PSPC1: variants seen among roughly 807,000 people sequenced by gnomAD.
The protein encoded by PSPC1 is paraspeckle component 1.
Under a neutral mutation model 51.6 loss-of-function variants are expected in PSPC1, and 14 were observed. The ratio of observed to expected loss-of-function variants is 0.27; its 90% CI spans 0.18 to 0.42. The LOEUF is 0.42. PSPC1 is among the 10% of genes least tolerant of loss of function. PSPC1 has a pLI of 1.00. For missense variants in PSPC1, 406 were observed against 701.1 expected (o/e 0.58, Z 4.75); for synonymous variants, 193 against 231.9 (o/e 0.83, Z 1.53).
chr13:19,748,160 A>G (rs995065124), intron 4 of PSPC1, among the ~76,000 whole-genome samples: 1 of 152,196 alleles, frequency 6.6e-6, no homozygotes, highest in Admixed American at 6.6e-5. Flanking sequence ...GTAGGTCTAC[A>G]ATGAGCTGAA....
Position 19,733,786 on chromosome 13 carries a change from A to AAAAT in PSPC1, c.1053-3443_1053-3442insATTT, listed in dbSNP as rs1555237785. On this transcript the variant is annotated intron_variant, in intron 5 of 8. Coordinates refer to ENST00000338910, the MANE Select transcript of PSPC1 (RefSeq NM_001354909.2). ...TCAAAAACAAGAAAAAAGAAAAAAA[A>AAAAT]ATATATATATATATATATTAGGCAG... is the stretch of plus-strand genomic sequence containing the variant. Among the ~76,000 whole-genome samples the AAAAT allele has an allele frequency of 3.0e-3, 419 of 141,850 alleles. 3 individuals are homozygous for AAAAT. The highest frequency in any genetic ancestry group is 7.1e-3 in the Middle Eastern group (2 of 282). 93.1% of individuals were successfully genotyped at this position (141,850 alleles called of 152,430 possible). A position where few individuals can be genotyped will look rare whatever the true frequency, so the allele number is the denominator to read the frequency against.
intron 6 of PSPC1, among the ~76,000 whole-genome samples, chr13:19,713,196 T>A (rs4769896): frequency 1 from 152,098 of 152,332 alleles, 75,933 homozygotes; most frequent in Non-Finnish European, 1. Flanking sequence ...TTACAAATTT[T>A]AATAATGCTT....
chr13:19,735,597 A>C (rs1884682478), intron 5 of PSPC1, among the ~76,000 whole-genome samples: 1 of 152,172 alleles, frequency 6.6e-6, no homozygotes, highest in African/African-American at 2.4e-5. Context: ...GTACTGTCCT[A>C]GGCCAGTTTT....
At chr13:19,776,749 C>T (rs543187028) in intron 1 of PSPC1, among the ~76,000 whole-genome samples, 8 of 151,790 alleles carry the variant, frequency 5.3e-5, no homozygotes, top group Non-Finnish European at 7.4e-5. Flanking sequence ...CCTCATGATA[C>T]GCCTGCCTCG....
intron 4 of PSPC1, among the ~76,000 whole-genome samples, chr13:19,746,358 C>A (rs546988429): frequency 6.6e-6 from 1 of 151,780 alleles, no homozygotes; most frequent in South Asian, 2.1e-4. Context: ...GCCGAGATTG[C>A]GCCACTGCAC....
chr13:19,724,744 A>G (rs1883161654), intron 6 of PSPC1, among the ~76,000 whole-genome samples: 1 of 152,122 alleles, frequency 6.6e-6, no homozygotes, highest in African/African-American at 2.4e-5. Context: ...TCATACATGT[A>G]ATCCCACCAC....
At chr13:19,743,439 T>C (rs1885633639) in intron 4 of PSPC1, among the ~76,000 whole-genome samples, 1 of 151,282 alleles carries the variant, frequency 6.6e-6, no homozygotes, top group South Asian at 2.1e-4. Context: ...TAAATATTGT[T>C]CTCCCCATTT....
At chr13:19,718,503 G>A (rs868138741) in intron 6 of PSPC1, among the ~76,000 whole-genome samples, 1,572 of 152,196 alleles carry the variant, frequency 0.01, 25 homozygotes, top group African/African-American at 0.036. Flanking sequence ...AAGATGCGAT[G>A]CAACAAGAAC....
At chr13:19,746,019 T>A (rs1006997441) in intron 4 of PSPC1, among the ~76,000 whole-genome samples, 1 of 150,184 alleles carries the variant, frequency 6.7e-6, no homozygotes, top group African/African-American at 2.4e-5. Flanking sequence ...GTTTTTTTTT[T>A]TTTTTGAGAC....
At chr13:19,705,884 T>G (rs1009369555) in intron 7 of PSPC1, 53 bp from the exon 8 acceptor site, 18 of 1,415,808 alleles carry the variant, frequency 1.3e-5, no homozygotes, top group Admixed American at 9.1e-5. Flanking sequence ...TAGTAAACAT[T>G]AACAATTTAA....
chr13:19,765,520 A>G (rs1050187855), intron 2 of PSPC1, among the ~76,000 whole-genome samples: 7 of 52,986 alleles, frequency 1.3e-4, no homozygotes, highest in African/African-American at 2.5e-4. Context: ...TTTTTTTGAG[A>G]GACGGGTCTC....
chr13:19,687,583 C>A (rs1052115647), intron 6 of PSPC1, among the ~76,000 whole-genome samples: 3 of 152,158 alleles, frequency 2.0e-5, no homozygotes, highest in African/African-American at 7.2e-5. Context: ...TCCATCTGCC[C>A]TTTCTCCTCT....
At chr13:19,712,059 T>C (rs1036795671) in intron 6 of PSPC1, among the ~76,000 whole-genome samples, 2 of 152,142 alleles carry the variant, frequency 1.3e-5, no homozygotes, top group Non-Finnish European at 2.9e-5. Context: ...CTTCTAGCTA[T>C]AAAAATAATA....
At chr13:19,764,983 T>C (rs1483201407) in intron 2 of PSPC1, among the ~76,000 whole-genome samples, 1 of 152,084 alleles carries the variant, frequency 6.6e-6, no homozygotes, top group Non-Finnish European at 1.5e-5. Context: ...GAATGTGTAA[T>C]GATGATGACA....
chr13:19,687,365 G>A (rs974791445), intron 6 of PSPC1, among the ~76,000 whole-genome samples: 18 of 152,006 alleles, frequency 1.2e-4, no homozygotes, highest in African/African-American at 3.6e-4. Context: ...GCCCTGCAGG[G>A]GACACCCAAA....
intron 6 of PSPC1, among the ~76,000 whole-genome samples, chr13:19,713,465 T>C (rs1471660267): frequency 7.0e-6 from 1 of 142,904 alleles, no homozygotes. Context: ...TCTACTGAAA[T>C]GGAGTTCACA....
chr13:19,756,672 G>T (rs1887105853), intron 3 of PSPC1, among the ~76,000 whole-genome samples: 1 of 150,452 alleles, frequency 6.6e-6, no homozygotes, highest in Non-Finnish European at 1.5e-5. Flanking sequence ...GCTGATTTTT[G>T]TAATTTTAGT....
intron 5 of PSPC1, among the ~76,000 whole-genome samples, chr13:19,739,995 C>T (rs1376463332): frequency 1.3e-5 from 2 of 152,028 alleles, no homozygotes; most frequent in Admixed American, 1.3e-4. Flanking sequence ...AGACTACATT[C>T]CTAACAGTTC....
chr13:19,708,013 G>A (rs1031702207), intron 7 of PSPC1, among the ~76,000 whole-genome samples: 7 of 152,072 alleles, frequency 4.6e-5, no homozygotes, highest in Admixed American at 6.6e-5. Context: ...ATTATTTCAC[G>A]TATCCACTGC....
Sources: allele counts gnomAD v4.1 joint callset (sites outside exome capture counted in the v4.1 genomes callset), GRCh38; gene constraint gnomAD v4.1.1; transcripts MANE v1.5; gene names NCBI Gene and HGNC (gene_info 2026-07-23, HGNC 2026-07-21).